The following CES4A variants were observed in gnomAD, a reference collection of about 807,000 sequenced individuals.
The protein encoded by CES4A is carboxylesterase 4A, also known as carboxylesterase 6.
Under a neutral mutation model 65.4 loss-of-function variants are expected in CES4A, and 48 were observed. The ratio of observed to expected loss-of-function variants is 0.73; its 90% CI spans 0.58 to 0.93. The LOEUF is 0.93. Ranked by LOEUF, CES4A falls within the 40% of genes least tolerant of loss-of-function variation. The probability of loss-of-function intolerance (pLI) is 0.00; values close to 1 mark genes in which losing one functional copy is unlikely to be tolerated. For synonymous variants in CES4A, 247 were observed against 281.8 expected (o/e 0.88, Z 1.24); for missense variants, 685 against 728.5 (o/e 0.94, Z 0.69).
At chr16:66,997,986 C>CAT (rs1473408790) in intron 2 of CES4A, among the ~76,000 whole-genome samples, 8 of 149,334 alleles carry the variant, frequency 5.4e-5, no homozygotes, top group African/African-American at 1.7e-4. Flanking sequence ...CACACACACA[C>CAT]ACACACACAC....
rs1283796441 is a variant in CES4A at position 67,000,747 on chromosome 16, C to A, written c.370C>A (p.Pro124Thr). Residue 124 changes from proline to threonine, a missense_variant, in exon 3 of 14, where the codon CCG (proline) becomes ACG (threonine). Coordinates refer to ENST00000648724, the Ensembl canonical transcript of CES4A. The surrounding 1 kb of genome is among the most constrained non-coding windows in gnomAD (Gnocchi z 4.2). Reference sequence around the variant, plus strand: ...CTGTCTGTACCTGAACGTGTACGCGCCGGCGCGCGCGCCCGGGGATCCCCA... The same window carrying A: ...CTGTCTGTACCTGAACGTGTACGCGACGGCGCGCGCGCCCGGGGATCCCCA... 1.3e-6 allele frequency: 2 copies of A among 1,549,164 alleles called. No individual in the cohort carries two copies. Among genetic ancestry groups the A allele is most frequent in the Admixed American group, 2.0e-5 (1 of 50,944 alleles).
chr16:67,009,063 T>A (rs780092121), exon 14 of CES4A: 16 of 1,614,174 alleles, frequency 9.9e-6, no homozygotes, highest in Non-Finnish European at 1.4e-5. Context: ...AGAGTGGGCA[T>A]GAAGCTCAAG....
chr16:67,004,276 A>G, intron 9 of CES4A, 52 bp downstream of exon 9: 2 of 1,601,360 alleles, frequency 1.2e-6, no homozygotes, highest in East Asian at 2.2e-5. Context: ...TGAGTACCAT[A>G]GTGGAGGCAG....
At chr16:67,005,579 G>A in intron 11 of CES4A, 186 bp downstream of exon 11, 1 of 582,082 alleles carries the variant, frequency 1.7e-6, no homozygotes, top group Non-Finnish European at 2.9e-6. Flanking sequence ...AGGCACGGTG[G>A]CTCACACCTG....
intron 11 of CES4A, 185 bp downstream of exon 11, chr16:67,005,578 G>A (rs1271316937): frequency 5.1e-6 from 3 of 588,274 alleles, no homozygotes; most frequent in African/African-American, 3.8e-5. Flanking sequence ...CAGGCACGGT[G>A]GCTCACACCT....
Position 67,003,335 on chromosome 16 carries a change from A to T in CES4A, c.875A>T (p.Lys292Met). ...TGCCTGAGGGCACTATCAGGGACCA[A>T]GGTGATGCGTGTGTCCAACAAGATG... The change falls in exon 7 of 14, where the codon AAG (lysine) becomes ATG (methionine). Residue 292 changes from lysine (K) to methionine (M), a missense_variant. Transcript: ENST00000648724. This position sits in a 1 kb window ranked among gnomAD's most constrained non-coding sequence, Gnocchi z 4.2. The T allele has an allele frequency of 6.2e-7, 1 of 1,614,092 alleles. No homozygotes were observed.
At position 67,000,850 on chromosome 16, in the gene CES4A, C is replaced by A; in HGVS notation, c.403-7C>A. ...GCCCCGCTCAGATCCCGGCCTTCTTCGTCCAGGTGATGGTCTGGTTCCCGG... is the reference window on the plus strand; with the variant it reads ...GCCCCGCTCAGATCCCGGCCTTCTTAGTCCAGGTGATGGTCTGGTTCCCGG... On this transcript the variant is annotated splice_polypyrimidine_tract_variant and splice_region_variant and intron_variant, in intron 3 of 13. Transcript: ENST00000648724. The surrounding 1 kb of genome is among the most constrained non-coding windows in gnomAD (Gnocchi z 4.2). 6.3e-7 allele frequency: 1 copy of A among 1,582,738 alleles called. No individual in the cohort carries two copies. Among genetic ancestry groups the A allele is most frequent in the African/African-American group, 1.3e-5 (1 of 74,332 alleles).
chr16:66,992,768 C>T (rs1292668656), intron 1 of CES4A, among the ~76,000 whole-genome samples: 2 of 152,174 alleles, frequency 1.3e-5, no homozygotes, highest in Non-Finnish European at 2.9e-5. Flanking sequence ...ACCTCCTCCT[C>T]GCGGGTTCAA....
intron 11 of CES4A, 134 bp from the exon 12 acceptor site, chr16:67,006,257 T>G: frequency 1.1e-6 from 1 of 898,712 alleles, no homozygotes; most frequent in African/African-American, 1.7e-5. Context: ...GCAGACAGGA[T>G]TCAAGTCTGC....
At position 67,003,415 on chromosome 16, in the gene CES4A, C is replaced by G. The variant is rs1597089630; in HGVS notation, c.900+55C>G. On this transcript the variant is annotated intron_variant, in intron 7 of 13. Coordinates refer to ENST00000648724, the Ensembl canonical transcript of CES4A. This position sits in a 1 kb window ranked among gnomAD's most constrained non-coding sequence, Gnocchi z 4.2. Reference sequence around the variant, plus strand: ...GGCTGCCTGAGGGCCATCCTCCTATCCTGGTACCCAGCCACCCCCAACTAC... The same window carrying G: ...GGCTGCCTGAGGGCCATCCTCCTATGCTGGTACCCAGCCACCCCCAACTAC... The G allele has an allele frequency of 1.3e-6, 2 of 1,595,282 alleles. No individual in the cohort carries two copies. Among genetic ancestry groups the G allele is most frequent in the East Asian group, 4.5e-5 (2 of 44,748 alleles).
intron 1 of CES4A, among the ~76,000 whole-genome samples, chr16:66,991,608 C>T (rs943887524): frequency 5.9e-5 from 9 of 152,184 alleles, no homozygotes; most frequent in African/African-American, 1.9e-4. Context: ...GCAGCTCATG[C>T]TCAGGGGTCT....
At chr16:67,004,330 C>T in intron 9 of CES4A, 106 bp downstream of exon 9, 2 of 1,258,856 alleles carry the variant, frequency 1.6e-6, no homozygotes, top group Non-Finnish European at 2.3e-6. Flanking sequence ...GGTCAGATGC[C>T]AGTAGCCCCT....
chr16:67,003,886 A>G lies in CES4A; in HGVS notation c.940-198A>G, dbSNP rs1965542017. Among the ~76,000 whole-genome samples the G allele has an allele frequency of 6.6e-6, 1 of 152,138 alleles. No homozygotes were observed. Among genetic ancestry groups the G allele is most frequent in the African/African-American group, 2.4e-5 (1 of 41,434 alleles). On this transcript the variant is annotated intron_variant, in intron 8 of 13. Coordinates refer to ENST00000648724, the Ensembl canonical transcript of CES4A. This position sits in a 1 kb window ranked among gnomAD's most constrained non-coding sequence, Gnocchi z 4.2. ...GTGAGCTATACAGATACCCGCGGCC[A>G]TCCCAAGTCCACGTAATTTGGTCCT... is the stretch of plus-strand genomic sequence containing the variant.
In CES4A at chr16:66,988,697, G is replaced by A. The variant is rs116147581; in HGVS notation, c.-76G>A. 686 of 1,549,348 alleles carry A rather than the reference G, an allele frequency of 4.4e-4. 4 individuals are homozygous for A. The African/African-American group carries it at 7.6e-3, about 17-fold the overall frequency. On this transcript the variant is annotated 5_prime_UTR_variant, in exon 1 of 14. Transcript: ENST00000648724. Reference sequence around the variant, plus strand: ...AAGTGTGCTCACACACTGTAGACACGGCTACCATGCCATCCACAGTGTTGC... The same window carrying A: ...AAGTGTGCTCACACACTGTAGACACAGCTACCATGCCATCCACAGTGTTGC...
In CES4A at chr16:67,001,602, G is replaced by C. The variant is rs1965359889; in HGVS notation, c.690+141G>C. 2.0e-6 allele frequency: 2 copies of C among 1,011,320 alleles called. No homozygotes were observed. Among genetic ancestry groups the C allele is most frequent in the African/African-American group, 1.6e-5 (1 of 61,072 alleles). The allele number at this position is 1,011,320 out of a possible 1,614,324, so 62.6% of individuals were successfully genotyped here. ...CAGAAATGCTCTCGCCCCTGCCAAG[G>C]GTACAGCCCCTCATAGCCAAGGATG... is the stretch of plus-strand genomic sequence containing the variant. On this transcript the variant is annotated intron_variant, in intron 5 of 13. Coordinates refer to ENST00000648724, the Ensembl canonical transcript of CES4A. This position sits in a 1 kb window ranked among gnomAD's most constrained non-coding sequence, Gnocchi z 4.1.
rs1181211704 is a variant in CES4A at position 67,001,066 on chromosome 16, G to C, written c.536+76G>C. The C allele has an allele frequency of 3.2e-6, 3 of 934,566 alleles. 1 individual carries two copies. In the South Asian group the frequency reaches 5.2e-5, roughly 16 times the overall value. 57.9% of individuals were successfully genotyped at this position (934,566 alleles called of 1,614,324 possible). ...GACTGGGTGGGAAGGGAGGGGCGGG[G>C]CCTGGGGCGGGGATGGGGGGGGTGG... On this transcript the variant is annotated intron_variant, in intron 4 of 13. Coordinates refer to ENST00000648724, the Ensembl canonical transcript of CES4A. This position sits in a 1 kb window ranked among gnomAD's most constrained non-coding sequence, Gnocchi z 4.1.
exon 2 of CES4A, chr16:66,995,718 T>G (rs780357459): frequency 1.2e-6 from 2 of 1,614,062 alleles, no homozygotes; most frequent in East Asian, 2.2e-5. Context: ...CCCATCCAAG[T>G]CTTTTTAGGA....
chr16:67,002,928 C>A, intron 5 of CES4A, 142 bp from the exon 6 acceptor site: 1 of 699,102 alleles, frequency 1.4e-6, no homozygotes, highest in Non-Finnish European at 2.6e-6. Context: ...AGGACATCAC[C>A]CCAGGACTCC....
At chr16:67,008,913 G>A in intron 13 of CES4A, 61 bp from the exon 14 acceptor site, 1 of 1,541,354 alleles carries the variant, frequency 6.5e-7, no homozygotes, top group South Asian at 1.2e-5. Flanking sequence ...AGGGAAGGGT[G>A]AAAGAAAGAA....
Sources: allele counts gnomAD v4.1 joint callset (sites outside exome capture counted in the v4.1 genomes callset), GRCh38; gene constraint gnomAD v4.1.1; non-coding constraint Gnocchi (gnomAD v3.1); transcripts MANE v1.5; gene names NCBI Gene and HGNC (gene_info 2026-07-23, HGNC 2026-07-21).